GSG1L: variants seen among roughly 807,000 people sequenced by gnomAD.
GSG1L encodes GSG1 like.
GSG1L carries 24 observed loss-of-function variants against 42.1 expected under a neutral mutation model. That is an observed-to-expected ratio of 0.57 (90% CI 0.41 to 0.80). The LOEUF (loss-of-function observed/expected upper bound fraction) is 0.80, where lower values mean the gene tolerates loss of function less well. Ranked by LOEUF, GSG1L falls within the 30% of genes least tolerant of loss-of-function variation. The pLI is 0.00. For synonymous variants in GSG1L, 215 were observed against 203.5 expected (o/e 1.06, Z -0.48); for missense variants, 445 against 472.2 (o/e 0.94, Z 0.53).
At chr16:27,921,258 G>A (rs777789581) in intron 2 of GSG1L, among the ~76,000 whole-genome samples, 23 of 152,058 alleles carry the variant, frequency 1.5e-4, no homozygotes, top group Non-Finnish European at 2.6e-4. Context: ...TATTTCACCT[G>A]TTCTTTCCCC....
intron 5 of GSG1L, chr16:27,824,060 G>A (rs1168723479): frequency 1.1e-5 from 7 of 646,822 alleles, no homozygotes; most frequent in East Asian, 2.7e-5. Context: ...AAATACCCTC[G>A]CCATCTCCAT....
At chr16:27,909,381 C>CTTTTTTTT (rs34041209) in intron 2 of GSG1L, among the ~76,000 whole-genome samples, 1 of 117,808 alleles carries the variant, frequency 8.5e-6, no homozygotes, top group Non-Finnish European at 1.7e-5. Flanking sequence ...TCTTCTTTTT[C>CTTTTTTTT]TTTTTTTTTT....
chr16:27,979,120 G>A (rs570008242), intron 1 of GSG1L, among the ~76,000 whole-genome samples: 34 of 152,140 alleles, frequency 2.2e-4, no homozygotes, highest in South Asian at 4.1e-4. Flanking sequence ...CTTGCCAGAC[G>A]GAAATCAGAG....
intron 5 of GSG1L, among the ~76,000 whole-genome samples, chr16:27,814,304 G>A (rs774496037): frequency 1.2e-4 from 19 of 152,038 alleles, no homozygotes; most frequent in Non-Finnish European, 2.4e-4. Context: ...TAAAAACAGG[G>A]TCTCACTATA....
chr16:28,002,238 G>A (rs1227273458), intron 1 of GSG1L, among the ~76,000 whole-genome samples: 2 of 152,190 alleles, frequency 1.3e-5, no homozygotes, highest in African/African-American at 4.8e-5. Context: ...CAGGGTGAGC[G>A]AGGCTTCTCT....
chr16:28,023,072 TC>T (rs776136942), intron 1 of GSG1L, among the ~76,000 whole-genome samples: 1 of 152,186 alleles, frequency 6.6e-6, no homozygotes, highest in Non-Finnish European at 1.5e-5. Context: ...CAAGCGATCC[TC>T]CCACTTCAGC....
At chr16:27,959,721 G>A (rs2085048302) in intron 2 of GSG1L, among the ~76,000 whole-genome samples, 1 of 152,032 alleles carries the variant, frequency 6.6e-6, no homozygotes, top group African/African-American at 2.4e-5. Flanking sequence ...GTTCAAGGCG[G>A]CAGTGAGCTA....
chr16:27,888,182 A>C (rs1596587281), intron 2 of GSG1L: 1 of 959,796 alleles, frequency 1.0e-6, no homozygotes. Flanking sequence ...CCCACACCCC[A>C]GGGGGTGCGT....
At chr16:27,933,004 G>A (rs1353209743) in intron 2 of GSG1L, among the ~76,000 whole-genome samples, 3 of 152,004 alleles carry the variant, frequency 2.0e-5, no homozygotes, top group African/African-American at 7.3e-5. Flanking sequence ...TGAGTGGTGG[G>A]GTGATTTGTT....
rs145577120 is a variant in GSG1L, at chr16:27,799,981, C to A, written c.898+7506G>T. On this transcript the variant is annotated intron_variant, in intron 6 of 6. Coordinates refer to ENST00000447459, the MANE Select transcript of GSG1L (RefSeq NM_001109763.2). ...TCGTGGAGAACTTAGAGCTGCGGAACCCTGGGTCCCCCGCCAGACCTCCTG... is the reference window on the plus strand; with the variant it reads ...TCGTGGAGAACTTAGAGCTGCGGAAACCTGGGTCCCCCGCCAGACCTCCTG... Among the ~76,000 whole-genome samples the A allele has an allele frequency of 2.7e-4, 41 of 152,186 alleles. No homozygotes were observed. The East Asian group carries it at 7.9e-3, about 29-fold the overall frequency.
intron 1 of GSG1L, among the ~76,000 whole-genome samples, chr16:28,047,261 T>C (rs1347991133): frequency 2.6e-5 from 4 of 152,192 alleles, no homozygotes; most frequent in Admixed American, 2.0e-4. Context: ...AAATATGCAA[T>C]ATATGCTGTT....
intron 1 of GSG1L, among the ~76,000 whole-genome samples, chr16:28,030,460 G>A (rs2085944908): frequency 6.6e-6 from 1 of 152,138 alleles, no homozygotes; most frequent in African/African-American, 2.4e-5. Flanking sequence ...GCAGACCTCT[G>A]AGAAATAGAA....
At chr16:27,903,636 GC>G (rs1007966049) in intron 2 of GSG1L, among the ~76,000 whole-genome samples, 1 of 152,102 alleles carries the variant, frequency 6.6e-6, no homozygotes, top group Admixed American at 6.5e-5. Flanking sequence ...ATGCTCAGAT[GC>G]CCCCCCTTGG....
intron 2 of GSG1L, among the ~76,000 whole-genome samples, chr16:27,905,932 A>G (rs928586154): frequency 1.5e-4 from 23 of 152,210 alleles, no homozygotes; most frequent in Non-Finnish European, 2.6e-4. Context: ...AGAGAAGTCT[A>G]AAAATATCTA....
chr16:28,050,774 C>T (rs2086213896), intron 1 of GSG1L, among the ~76,000 whole-genome samples: 1 of 152,194 alleles, frequency 6.6e-6, no homozygotes, highest in Non-Finnish European at 1.5e-5. Flanking sequence ...TCCTGATCCC[C>T]TGAGTTCCAG....
At position 27,965,343 on chromosome 16, in the gene GSG1L, T is replaced by C. The variant is rs982738221; in HGVS notation, c.350-2140A>G. Reference sequence around the variant, plus strand: ...AATTTTTAATTTAAATAAAATTTAATTTAATTAAATTTTTAAGTAATTTTA... The same window carrying C: ...AATTTTTAATTTAAATAAAATTTAACTTAATTAAATTTTTAAGTAATTTTA... On this transcript the variant is annotated intron_variant, in intron 1 of 6. Transcript: ENST00000447459. 4.6e-5 allele frequency among the ~76,000 whole-genome samples: 7 copies of C among 152,220 alleles called. No homozygotes were observed. In the Middle Eastern group the frequency reaches 0.017, roughly 370 times the overall value.
At chr16:27,891,433 C>T (rs2084124554) in intron 2 of GSG1L, among the ~76,000 whole-genome samples, 1 of 149,062 alleles carries the variant, frequency 6.7e-6, no homozygotes, top group African/African-American at 2.5e-5. Flanking sequence ...AGTTTCTAGC[C>T]ATACTGTGTA....
At chr16:27,934,033 T>C (rs1034455403) in intron 2 of GSG1L, among the ~76,000 whole-genome samples, 2 of 152,204 alleles carry the variant, frequency 1.3e-5, no homozygotes. Context: ...TAAAGAGGCG[T>C]TGATGAGAAC....
intron 1 of GSG1L, among the ~76,000 whole-genome samples, chr16:28,058,825 G>C (rs976994150): frequency 4.6e-5 from 7 of 152,150 alleles, no homozygotes; most frequent in Non-Finnish European, 8.8e-5. Flanking sequence ...TTAGGGGACT[G>C]GGCAGAAGAG....
Sources: gnomAD v4.1 joint callset for allele counts (sites outside exome capture counted in the v4.1 genomes callset) on GRCh38, gnomAD v4.1.1 for gene constraint, MANE v1.5 for transcripts, NCBI Gene and HGNC (gene_info 2026-07-23, HGNC 2026-07-21) for gene names.